ARFIP1: variants seen among roughly 807,000 people sequenced by gnomAD.
ARFIP1 encodes arfaptin-1.
ARFIP1 carries 24 observed loss-of-function variants against 42.5 expected under a neutral mutation model. The ratio of observed to expected loss-of-function variants is 0.57; its 90% CI spans 0.41 to 0.80. The LOEUF is 0.80. Ranked by LOEUF, ARFIP1 falls within the 30% of genes least tolerant of loss-of-function variation. The pLI is 0.00. For missense variants in ARFIP1, 354 were observed against 434.0 expected, an observed-to-expected ratio of 0.82 and a Z score of 1.64; for synonymous variants, 141 against 153.7, an observed-to-expected ratio of 0.92 and a Z score of 0.61.
chr4:152,844,742 T>C (rs1732398634), intron 2 of ARFIP1, among the ~76,000 whole-genome samples: 2 of 152,198 alleles, frequency 1.3e-5, no homozygotes, highest in South Asian at 4.1e-4. Context: ...AAACCTTCCA[T>C]GTTCATGGTT....
chr4:152,822,467 T>C (rs901642003), intron 1 of ARFIP1, among the ~76,000 whole-genome samples: 1 of 152,142 alleles, frequency 6.6e-6, no homozygotes, highest in Non-Finnish European at 1.5e-5. Flanking sequence ...AAAAATAGTT[T>C]GGGACTTCAG....
chr4:152,787,904 G>C (rs919108718), intron 1 of ARFIP1, among the ~76,000 whole-genome samples: 1 of 152,200 alleles, frequency 6.6e-6, no homozygotes, highest in African/African-American at 2.4e-5. Context: ...TAAATTTTCA[G>C]TTTGACTATT....
intron 1 of ARFIP1, among the ~76,000 whole-genome samples, chr4:152,816,900 T>G (rs1274719708): frequency 6.6e-6 from 1 of 152,266 alleles, no homozygotes; most frequent in Admixed American, 6.5e-5. Context: ...TCGTAATCTG[T>G]TATCGTACAA....
chr4:152,878,960 A>G (rs1054805040), intron 5 of ARFIP1, among the ~76,000 whole-genome samples: 3 of 152,190 alleles, frequency 2.0e-5, no homozygotes, highest in East Asian at 3.8e-4. Context: ...TGATGTATCT[A>G]TCTCCTTTAT....
intron 2 of ARFIP1, among the ~76,000 whole-genome samples, chr4:152,858,780 A>G (rs1438385967): frequency 6.6e-6 from 1 of 152,204 alleles, no homozygotes. Flanking sequence ...AAACAAATAT[A>G]CACATAATAT....
At chr4:152,850,086 C>T (rs1732862075) in intron 2 of ARFIP1, among the ~76,000 whole-genome samples, 1 of 152,194 alleles carries the variant, frequency 6.6e-6, no homozygotes, top group African/African-American at 2.4e-5. Flanking sequence ...AAAATAAAAT[C>T]ACATACCTTT....
chr4:152,815,958 A>G (rs1729851089), intron 1 of ARFIP1, among the ~76,000 whole-genome samples: 1 of 151,518 alleles, frequency 6.6e-6, no homozygotes, highest in African/African-American at 2.4e-5. Flanking sequence ...TTTAGCCGGG[A>G]TGGTCTCGAT....
Position 152,888,253 on chromosome 4 carries a change from T to G in ARFIP1, c.912T>G (p.Tyr304Ter). ...TCTTCCAAGCACATAAGGAAAAATA[T>G]GATAAAATGCGCAATGATGTTTCTG... ...QHLFQAHKEK[Y>*]DKMRNDVSVK... Residue 304 changes from tyrosine to a stop codon, truncating the protein, a stop_gained, in exon 8 of 9, where the codon TAT becomes TAG. Transcript: ENST00000353617. LOFTEE classifies it high-confidence loss of function. 1 of 1,609,522 alleles carries G rather than the reference T, an allele frequency of 6.2e-7. No individual in the cohort carries two copies. Among genetic ancestry groups the G allele is most frequent in the Non-Finnish European group, 8.5e-7 (1 of 1,178,204 alleles).
At chr4:152,792,753 T>C (rs1008231247) in intron 1 of ARFIP1, among the ~76,000 whole-genome samples, 1 of 152,136 alleles carries the variant, frequency 6.6e-6, no homozygotes, top group Non-Finnish European at 1.5e-5. Context: ...TCACTAAAAT[T>C]TGGGAAATGA....
chr4:152,858,123 C>G (rs572365906), intron 2 of ARFIP1, among the ~76,000 whole-genome samples: 41 of 152,196 alleles, frequency 2.7e-4, no homozygotes, highest in Non-Finnish European at 4.4e-5. Flanking sequence ...GAAACTCCAT[C>G]TCTACTAAAA....
At position 152,780,221 on chromosome 4, in the gene ARFIP1, A is replaced by G. The variant is rs1474886355; in HGVS notation, c.-15A>G. ...ACTTAGAAGCTACCGAGTTACCCTA[A>G]GAAAGGTGAGGGCGGAGCTGGCTCG... On this transcript the variant is annotated 5_prime_UTR_variant, in exon 1 of 9. Transcript: ENST00000353617. The G allele has an allele frequency of 6.6e-6, 1 of 152,292 alleles. No homozygotes were observed. The highest frequency in any genetic ancestry group is 1.5e-5 in the Non-Finnish European group (1 of 68,134). The allele number at this position is 152,292 out of a possible 1,614,324, so 9.4% of individuals were successfully genotyped here.
intron 5 of ARFIP1, among the ~76,000 whole-genome samples, chr4:152,873,618 CCAGT>C (rs1426148676): frequency 6.6e-6 from 1 of 152,162 alleles, no homozygotes; most frequent in Non-Finnish European, 1.5e-5. Flanking sequence ...TTCCACATAG[CCAGT>C]CAGTCGTTAA....
chr4:152,819,167 G>T (rs1032482445), intron 1 of ARFIP1, among the ~76,000 whole-genome samples: 6 of 152,144 alleles, frequency 3.9e-5, no homozygotes, highest in Admixed American at 6.5e-5. Context: ...ACTGTAGCTG[G>T]TGCAGTTGCA....
chr4:152,831,942 C>A (rs563733787), intron 2 of ARFIP1, among the ~76,000 whole-genome samples: 7 of 151,712 alleles, frequency 4.6e-5, no homozygotes, highest in African/African-American at 1.5e-4. Context: ...CCCCCCACCC[C>A]CCGAGTATTT....
intron 2 of ARFIP1, among the ~76,000 whole-genome samples, chr4:152,855,340 G>T (rs1186704151): frequency 6.6e-6 from 1 of 152,104 alleles, no homozygotes; most frequent in African/African-American, 2.4e-5. Context: ...GTGTGTACAG[G>T]TGTGCTAGCT....
At position 152,852,784 on chromosome 4, in the gene ARFIP1, G is replaced by A. The variant is rs901198558; in HGVS notation, c.94-10822G>A. Among the ~76,000 whole-genome samples the A allele has an allele frequency of 5.9e-5, 9 of 152,078 alleles. No homozygotes were observed. The South Asian group carries it at 6.2e-4, about 10-fold the overall frequency. ...GTATTATCTCACAAGTCATAAATTC[G>A]TCTCACATAGCCCCTATTATTTTGT... On this transcript the variant is annotated intron_variant, in intron 2 of 8. Transcript: ENST00000353617.
chr4:152,823,187 T>C (rs543953563), intron 1 of ARFIP1, among the ~76,000 whole-genome samples: 1 of 152,144 alleles, frequency 6.6e-6, no homozygotes, highest in South Asian at 2.1e-4. Context: ...ATTCAAATAA[T>C]CTCAATTGGA....
intron 1 of ARFIP1, among the ~76,000 whole-genome samples, chr4:152,794,129 A>T (rs1465760797): frequency 6.6e-6 from 1 of 152,120 alleles, no homozygotes; most frequent in Admixed American, 6.6e-5. Flanking sequence ...CCATAATATA[A>T]TTATTACAAG....
chr4:152,847,157 G>T (rs1027776638), intron 2 of ARFIP1, among the ~76,000 whole-genome samples: 1 of 33,162 alleles, frequency 3.0e-5, no homozygotes, highest in Non-Finnish European at 6.3e-5. Flanking sequence ...TTGAGACAGA[G>T]TCTCACTCTG....
Sources: gnomAD v4.1 joint callset for allele counts (sites outside exome capture counted in the v4.1 genomes callset) on GRCh38, gnomAD v4.1.1 for gene constraint, MANE v1.5 for transcripts, NCBI Gene and HGNC (gene_info 2026-07-23, HGNC 2026-07-21) for gene names.